TCF12: variants seen among roughly 807,000 people sequenced by gnomAD.
TCF12 encodes DNA-binding protein HTF4.
A neutral mutation model predicts 86.0 loss-of-function variants in TCF12; 45 were observed. That is an observed-to-expected ratio of 0.52 (90% CI 0.41 to 0.67). The LOEUF is 0.67. Among genes scored for constraint, TCF12 ranks in the 30% least tolerant of loss-of-function variants. The pLI is 0.00. For missense variants in TCF12, 881 were observed against 859.9 expected, an observed-to-expected ratio of 1.02 and a Z score of -0.31; for synonymous variants, 330 against 299.6, an observed-to-expected ratio of 1.10 and a Z score of -1.05.
chr15:56,950,984 G>A (rs147563486), intron 3 of TCF12, among the ~76,000 whole-genome samples: 528 of 151,798 alleles, frequency 3.5e-3, no homozygotes, highest in African/African-American at 0.012. Context: ...TTGAACTCCC[G>A]ACCTTAGGTG....
At chr15:57,132,537 G>C (rs1259029916) in intron 5 of TCF12, among the ~76,000 whole-genome samples, 6 of 152,160 alleles carry the variant, frequency 3.9e-5, no homozygotes, top group African/African-American at 1.4e-4. Flanking sequence ...TGGCTCTGAT[G>C]ATTGATGTTC....
At chr15:57,221,819 G>C (rs1023765858) in intron 8 of TCF12, among the ~76,000 whole-genome samples, 1 of 152,094 alleles carries the variant, frequency 6.6e-6, no homozygotes, top group East Asian at 1.9e-4. Flanking sequence ...TTATTATTTT[G>C]TGATGACTTC....
At chr15:57,262,341 G>A (rs2060627121) in intron 17 of TCF12, 133 bp downstream of exon 17, 1 of 708,658 alleles carries the variant, frequency 1.4e-6, no homozygotes, top group Non-Finnish European at 2.3e-6. Flanking sequence ...ATAGCGTGGA[G>A]AGCAGATATT....
Position 57,262,076 on chromosome 15 carries a change from G to C in TCF12, c.1468-18G>C. The C allele has an allele frequency of 1.3e-6, 2 of 1,529,118 alleles. No individual in the cohort carries two copies. Among genetic ancestry groups the C allele is most frequent in the Non-Finnish European group, 1.8e-6 (2 of 1,117,026 alleles). 94.7% of individuals were successfully genotyped at this position (1,529,118 alleles called of 1,614,324 possible). A position where few individuals can be genotyped will look rare whatever the true frequency, so the allele number is the denominator to read the frequency against. On this transcript the variant is annotated intron_variant, in intron 16 of 20. Transcript: ENST00000333725. ...CTATCTTAATCTTTTTTTATTTTTG[G>C]GTTTTCCTTAACTTTAGGTTGGAAC...
intron 12 of TCF12, among the ~76,000 whole-genome samples, chr15:57,237,456 A>T (rs181247026): frequency 7.9e-5 from 12 of 152,248 alleles, no homozygotes; most frequent in Admixed American, 1.3e-4. Context: ...TGATTGGAAT[A>T]GACCATGACT....
chr15:57,224,783 A>G (rs2058789179), intron 8 of TCF12, among the ~76,000 whole-genome samples: 1 of 152,336 alleles, frequency 6.6e-6, no homozygotes, highest in Non-Finnish European at 1.5e-5. Context: ...CTAATTAGGT[A>G]AAAAGAATCT....
Position 57,063,732 on chromosome 15 carries a change from AT to A in TCF12, c.149-14del. On this transcript the variant is annotated splice_polypyrimidine_tract_variant and intron_variant, in intron 3 of 20. Transcript: ENST00000333725. ...AAGTATGTTTTTAGATATATCTTTT[AT>A]TTTCTTCTCTTTTTAGGTATTGATG... 6.3e-7 allele frequency: 1 copy of A among 1,587,902 alleles called. No individual in the cohort carries two copies. Among genetic ancestry groups the A allele is most frequent in the Non-Finnish European group, 8.6e-7 (1 of 1,160,382 alleles).
chr15:57,067,711 G>A (rs1187351199), intron 4 of TCF12, among the ~76,000 whole-genome samples: 1 of 152,068 alleles, frequency 6.6e-6, no homozygotes, highest in Non-Finnish European at 1.5e-5. Flanking sequence ...TTAGAGTCCT[G>A]GTTTCTGCAC....
chr15:56,941,119 C>T (rs1299571586), intron 3 of TCF12, among the ~76,000 whole-genome samples: 1 of 151,602 alleles, frequency 6.6e-6, no homozygotes, highest in Non-Finnish European at 1.5e-5. Flanking sequence ...AATCCCAGCA[C>T]TTTGGGAGGC....
At chr15:57,033,211 A>G (rs1387345984) in intron 3 of TCF12, among the ~76,000 whole-genome samples, 1 of 152,202 alleles carries the variant, frequency 6.6e-6, no homozygotes, top group Non-Finnish European at 1.5e-5. Flanking sequence ...ATGTCATTGA[A>G]TTTCCAGAAG....
intron 6 of TCF12, among the ~76,000 whole-genome samples, chr15:57,186,804 A>G (rs2056690351): frequency 6.6e-6 from 1 of 152,218 alleles, no homozygotes; most frequent in Non-Finnish European, 1.5e-5. Flanking sequence ...AGTTTAGCCT[A>G]TGAAAATTAG....
At chr15:57,024,216 C>CTTTTTTGTTTTTTTTTTTTTTTTTTT (rs2065676339) in intron 3 of TCF12, among the ~76,000 whole-genome samples, 1 of 111,300 alleles carries the variant, frequency 9.0e-6, no homozygotes, top group African/African-American at 3.1e-5. Flanking sequence ...AAAAAAGTGT[C>CTTTTTTGTTTTTTTTTTTTTTTTTTT]TTTTTTTTTT....
chr15:57,075,835 T>TCTCTCTCTCTCTCTCTCTTTTC (rs778545170), intron 4 of TCF12, among the ~76,000 whole-genome samples: 8 of 50,014 alleles, frequency 1.6e-4, no homozygotes, highest in East Asian at 9.5e-4. Context: ...TCTCTCTCTC[T>TCTCTCTCTCTCTCTCTCTTTTC]TTTCTTTCTT....
At chr15:56,994,059 A>G (rs932995535) in intron 3 of TCF12, among the ~76,000 whole-genome samples, 1 of 152,200 alleles carries the variant, frequency 6.6e-6, no homozygotes, top group Non-Finnish European at 1.5e-5. Flanking sequence ...ATACAAAGAA[A>G]TGGAAATGTT....
In TCF12 at chr15:57,203,307, T is replaced by C. The variant is rs573599370; in HGVS notation, c.579+5482T>C. 2.0e-5 allele frequency among the ~76,000 whole-genome samples: 3 copies of C among 152,356 alleles called. No individual in the cohort carries two copies. In the South Asian group the frequency reaches 6.2e-4, roughly 32 times the overall value. On this transcript the variant is annotated intron_variant, in intron 8 of 20. Coordinates refer to ENST00000333725, the MANE Select transcript of TCF12 (RefSeq NM_207037.2). ...CTCGTTGAACATCTTTATGGCCCTC[T>C]GAAGCATTTCTCAGATGCAGAAAAG...
intron 5 of TCF12, among the ~76,000 whole-genome samples, chr15:57,102,868 C>T (rs533990776): frequency 2.7e-4 from 41 of 152,040 alleles, no homozygotes; most frequent in Admixed American, 5.9e-4. Flanking sequence ...CCTTAGTTTT[C>T]TATAATCAGA....
chr15:56,925,000 A>G (rs1166281545), intron 3 of TCF12, among the ~76,000 whole-genome samples: 1 of 152,082 alleles, frequency 6.6e-6, no homozygotes, highest in African/African-American at 2.4e-5. Flanking sequence ...GGAGTTTGAG[A>G]CCAGCCTGGC....
At chr15:57,060,412 T>C (rs1055660820) in intron 3 of TCF12, among the ~76,000 whole-genome samples, 1 of 152,222 alleles carries the variant, frequency 6.6e-6, no homozygotes. Flanking sequence ...AGATTATCTA[T>C]ATAAAAGGTT....
In TCF12 at chr15:57,055,063, A is replaced by G. The variant is rs140128947; in HGVS notation, c.149-8687A>G. ...AAATTAGTCTTTTTATTTATTATAT[A>G]TGATACTATTCCCTAGGATGCAGGT... On this transcript the variant is annotated intron_variant, in intron 3 of 20. Coordinates refer to ENST00000333725, the MANE Select transcript of TCF12 (RefSeq NM_207037.2). Among the ~76,000 whole-genome samples, 255 of 152,110 alleles carry G rather than the reference A, an allele frequency of 1.7e-3. 1 individual carries two copies. Among genetic ancestry groups the G allele is most frequent in the East Asian group, 0.011 (55 of 5,168 alleles).
Sources: allele counts gnomAD v4.1 joint callset (sites outside exome capture counted in the v4.1 genomes callset), GRCh38; gene constraint gnomAD v4.1.1; transcripts MANE v1.5; gene names NCBI Gene and HGNC (gene_info 2026-07-23, HGNC 2026-07-21).